STPG2: variants seen among roughly 807,000 people sequenced by gnomAD.
STPG2 encodes the protein sperm-tail PG-rich repeat-containing protein 2.
Under a neutral mutation model 54.2 loss-of-function variants are expected in STPG2, and 56 were observed. That is an observed-to-expected ratio of 1.03 (90% CI 0.83 to 1.29). The LOEUF (loss-of-function observed/expected upper bound fraction) is 1.29. STPG2 is among the 50% of genes most tolerant of loss of function. The pLI is 0.00. For synonymous variants in STPG2, 200 were observed against 181.8 expected (o/e 1.10, Z -0.81); for missense variants, 596 against 544.9 (o/e 1.09, Z -0.93).
At chr4:97,470,696 CTCTT>C (rs1260812133) in intron 4 of STPG2, among the ~76,000 whole-genome samples, 2 of 149,042 alleles carry the variant, frequency 1.3e-5, no homozygotes, top group African/African-American at 2.6e-5. Context: ...TGTGGTCTTT[CTCTT>C]TCTCTCAATA....
chr4:98,102,854 GTATATTAATATGGAATATATCATGTAA>G (rs1739084688), intron 5 of STPG2, among the ~76,000 whole-genome samples: 1 of 147,648 alleles, frequency 6.8e-6, no homozygotes. Context: ...ACAACATAAT[GTATATTAATATGGAATATATCATGTAA>G]TATATTAACA....
intron 4 of STPG2, among the ~76,000 whole-genome samples, chr4:97,520,036 T>C (rs746427540): frequency 3.9e-5 from 6 of 152,150 alleles, no homozygotes; most frequent in South Asian, 4.1e-4. Flanking sequence ...TCTATCAGGA[T>C]GCTAGAAAAT....
At chr4:97,893,504 G>A (rs1440470229) in intron 8 of STPG2, among the ~76,000 whole-genome samples, 4 of 152,102 alleles carry the variant, frequency 2.6e-5, no homozygotes, top group South Asian at 2.1e-4. Context: ...AGTTGTAAGG[G>A]ATTTAAGCTC....
chr4:97,923,754 C>G (rs187879396), intron 8 of STPG2, among the ~76,000 whole-genome samples: 10 of 152,304 alleles, frequency 6.6e-5, no homozygotes, highest in Admixed American at 6.5e-4. Context: ...AATCAGCACT[C>G]TGTGTCTAGC....
At chr4:97,689,799 A>G (rs1279772666) in intron 10 of STPG2, among the ~76,000 whole-genome samples, 2 of 152,050 alleles carry the variant, frequency 1.3e-5, no homozygotes, top group Admixed American at 1.3e-4. Flanking sequence ...AAAATTCTTC[A>G]GTTTTCATAA....
At chr4:98,035,749 TG>T (rs1736755435) in intron 5 of STPG2, among the ~76,000 whole-genome samples, 1 of 152,142 alleles carries the variant, frequency 6.6e-6, no homozygotes, top group African/African-American at 2.4e-5. Context: ...ATATACACCA[TG>T]GAATACTATG....
chr4:97,742,587 A>G (rs1415014489), intron 9 of STPG2, among the ~76,000 whole-genome samples: 6 of 145,686 alleles, frequency 4.1e-5, no homozygotes, highest in Non-Finnish European at 9.1e-5. Flanking sequence ...ATGGAATACT[A>G]TCAGGTCTTT....
chr4:97,865,782 T>C (rs1202866830), intron 8 of STPG2, among the ~76,000 whole-genome samples: 2 of 152,076 alleles, frequency 1.3e-5, no homozygotes, highest in South Asian at 4.1e-4. Flanking sequence ...CACACCAACA[T>C]GGCAGATGTA....
intron 8 of STPG2, among the ~76,000 whole-genome samples, chr4:97,856,580 T>C (rs1729344974): frequency 6.6e-6 from 1 of 152,226 alleles, no homozygotes; most frequent in Non-Finnish European, 1.5e-5. Flanking sequence ...TGAGATTTTC[T>C]AGATATAGGA....
intron 4 of STPG2, among the ~76,000 whole-genome samples, chr4:97,539,803 A>G (rs1391663245): frequency 1.3e-5 from 2 of 151,988 alleles, no homozygotes; most frequent in African/African-American, 4.8e-5. Context: ...CAATCAAACT[A>G]GAACTCAGGA....
rs147303031 is a variant in STPG2 at position 97,955,393 on chromosome 4, T to G, written c.934-11386A>C. Among the ~76,000 whole-genome samples the G allele has an allele frequency of 1.7e-3, 255 of 152,100 alleles. 15 individuals carry two copies. In the East Asian group the frequency reaches 0.038, roughly 22 times the overall value. ...CCATGCCTGGCTAATTTTTTTGTAT[T>G]TTTAGTAGAGACGGGGTTTCACTGT... On this transcript the variant is annotated intron_variant, in intron 7 of 10. Coordinates refer to ENST00000295268, the MANE Select transcript of STPG2 (RefSeq NM_174952.3).
intron 10 of STPG2, among the ~76,000 whole-genome samples, chr4:97,665,842 T>C (rs1722505702): frequency 6.6e-6 from 1 of 152,090 alleles, no homozygotes; most frequent in Non-Finnish European, 1.5e-5. Context: ...TTTGGCCTGT[T>C]ATCACTGCCC....
chr4:98,049,856 A>G (rs1317545150), intron 5 of STPG2, among the ~76,000 whole-genome samples: 1 of 152,190 alleles, frequency 6.6e-6, no homozygotes, highest in Admixed American at 6.5e-5. Flanking sequence ...AATACCATCT[A>G]CAAAGCAGTC....
chr4:97,911,242 A>G lies in STPG2; in HGVS notation c.1044+32655T>C, dbSNP rs181200497. ...CAGCGGCTGATCTGGCACACACAGA[A>G]ACACAGGAGTTTTTGCATACTCCGT... is the stretch of plus-strand genomic sequence containing the variant. On this transcript the variant is annotated intron_variant, in intron 8 of 10. Transcript: ENST00000295268. 2.6e-3 allele frequency among the ~76,000 whole-genome samples: 394 copies of G among 152,180 alleles called. 3 individuals carry two copies. The highest frequency in any genetic ancestry group is 8.9e-3 in the African/African-American group (368 of 41,434).
At chr4:97,553,830 C>T (rs1350843908) in intron 4 of STPG2, among the ~76,000 whole-genome samples, 1 of 152,158 alleles carries the variant, frequency 6.6e-6, no homozygotes, top group Non-Finnish European at 1.5e-5. Flanking sequence ...GTCTATTCAA[C>T]AGTATTTGCA....
intron 5 of STPG2, among the ~76,000 whole-genome samples, chr4:98,101,980 A>G (rs1440111033): frequency 1.3e-5 from 2 of 151,914 alleles, no homozygotes; most frequent in African/African-American, 4.8e-5. Context: ...ACCTCTGGCA[A>G]TGCTTAGCCC....
intron 10 of STPG2, among the ~76,000 whole-genome samples, chr4:97,662,826 C>T (rs571741067): frequency 1.3e-5 from 2 of 152,080 alleles, no homozygotes; most frequent in Non-Finnish European, 2.9e-5. Flanking sequence ...GAAAAACTAT[C>T]TATTGGGTAT....
intron 5 of STPG2, among the ~76,000 whole-genome samples, chr4:98,091,647 T>G (rs1738689479): frequency 6.6e-6 from 1 of 152,002 alleles, no homozygotes; most frequent in South Asian, 2.1e-4. Context: ...AGCTTTGCCC[T>G]ATTCATCATC....
At chr4:98,119,852 T>C (rs1386423152) in intron 3 of STPG2, among the ~76,000 whole-genome samples, 1 of 152,164 alleles carries the variant, frequency 6.6e-6, no homozygotes, top group African/African-American at 2.4e-5. Flanking sequence ...CTTCTGTTCC[T>C]GTGTTATTTG....
Sources: allele counts gnomAD v4.1 joint callset (sites outside exome capture counted in the v4.1 genomes callset), GRCh38; gene constraint gnomAD v4.1.1; transcripts MANE v1.5; gene names NCBI Gene and HGNC (gene_info 2026-07-23, HGNC 2026-07-21).